The following PPP6R3 variants were observed in gnomAD, a reference collection of about 807,000 sequenced individuals.
The protein encoded by PPP6R3 is protein phosphatase 6 regulatory subunit 3.
In PPP6R3, 38 loss-of-function variants were observed where a neutral mutation model predicts 110.7. That is an observed-to-expected ratio of 0.34 (90% CI 0.26 to 0.45). The LOEUF is 0.45. Ranked by LOEUF, PPP6R3 falls within the 20% of genes least tolerant of loss-of-function variation. PPP6R3 has a pLI of 1.00. For synonymous variants in PPP6R3, 369 were observed against 373.5 expected (o/e 0.99, Z 0.14); for missense variants, 870 against 1,062.4 (o/e 0.82, Z 2.52).
rs192816255 is a variant in PPP6R3 at position 68,607,810 on chromosome 11, G to A, written c.2451-2094G>A. 8.1e-3 allele frequency among the ~76,000 whole-genome samples: 1,229 copies of A among 150,942 alleles called. 16 individuals are homozygous for A. The highest frequency in any genetic ancestry group is 0.028 in the African/African-American group (1,166 of 41,058). On this transcript the variant is annotated intron_variant, in intron 22 of 23. Transcript: ENST00000393800. ...TTTTTTTAACACGAGGTCTCGCTCT[G>A]TTGCCCAGGCTGGAATGCAGTGGCA...
At chr11:68,487,666 T>C (rs2098956867) in intron 1 of PPP6R3, among the ~76,000 whole-genome samples, 1 of 152,172 alleles carries the variant, frequency 6.6e-6, no homozygotes. Context: ...TAGAAGTATA[T>C]TATTTAATCT....
intron 1 of PPP6R3, among the ~76,000 whole-genome samples, chr11:68,466,562 C>T (rs1372156738): frequency 6.6e-6 from 1 of 151,818 alleles, no homozygotes; most frequent in Non-Finnish European, 1.5e-5. Flanking sequence ...CCTCAGCCTC[C>T]CCAGTAGCTG....
At position 68,519,782 on chromosome 11, in the gene PPP6R3, A is replaced by T. The variant is rs670921; in HGVS notation, c.-7+131A>T. Reference sequence around the variant, plus strand: ...GTCTCTCTGAGCTAGGTACAATATGATTCTGTGGTACTGTGGTATTTTTAG... The same window carrying T: ...GTCTCTCTGAGCTAGGTACAATATGTTTCTGTGGTACTGTGGTATTTTTAG... On this transcript the variant is annotated intron_variant, in intron 2 of 23. Coordinates refer to ENST00000393800, the MANE Select transcript of PPP6R3 (RefSeq NM_001164161.2). The T allele has an allele frequency of 4.2e-4, 163 of 391,876 alleles. 1 individual carries two copies. Among genetic ancestry groups the T allele is most frequent in the African/African-American group, 2.9e-3 (142 of 48,606 alleles). 24.3% of individuals were successfully genotyped at this position (391,876 alleles called of 1,614,324 possible).
chr11:68,504,018 G>A (rs546665955), intron 1 of PPP6R3, among the ~76,000 whole-genome samples: 2 of 152,308 alleles, frequency 1.3e-5, no homozygotes, highest in South Asian at 2.1e-4. Flanking sequence ...TACCTCATTG[G>A]AGAGCCACTT....
In PPP6R3 at chr11:68,544,843, C is replaced by T. The variant is rs2099342872; in HGVS notation, c.233C>T (p.Pro78Leu). The part of the protein sequence containing the change: ...DMDEKIRYKY[P>L]NISCELLTSD... ...TAAATATCCTGTTCTTCTAGGTATC[C>T]AAATATATCTTGTGAGTTGCTCACT... The change falls in exon 4 of 24, where the codon CCA becomes CTA. Residue 78 changes from proline to leucine, a missense_variant. By Grantham distance (98) the Pro-to-Leu change is moderately conservative. Coordinates refer to ENST00000393800, the MANE Select transcript of PPP6R3 (RefSeq NM_001164161.2). 6.3e-7 allele frequency: 1 copy of T among 1,583,968 alleles called. No individual in the cohort carries two copies. The highest frequency in any genetic ancestry group is 8.6e-7 in the Non-Finnish European group (1 of 1,156,706).
chr11:68,521,834 A>G (rs1207608318), intron 2 of PPP6R3, among the ~76,000 whole-genome samples: 1 of 152,362 alleles, frequency 6.6e-6, no homozygotes, highest in East Asian at 1.9e-4. Context: ...CTCTCTTACT[A>G]GTGAGAAGAC....
intron 10 of PPP6R3, among the ~76,000 whole-genome samples, chr11:68,568,176 A>G (rs2099486598): frequency 1.3e-5 from 2 of 152,100 alleles, no homozygotes; most frequent in Admixed American, 6.6e-5. Flanking sequence ...AGAGATGAAG[A>G]TTTAAAGAAT....
intron 19 of PPP6R3, among the ~76,000 whole-genome samples, chr11:68,596,706 G>C (rs1315331467): frequency 6.6e-6 from 1 of 152,228 alleles, no homozygotes; most frequent in African/African-American, 2.4e-5. Context: ...GCTTGCTTGT[G>C]CCCTGCTCCT....
intron 14 of PPP6R3, among the ~76,000 whole-genome samples, chr11:68,581,065 C>T (rs1020740312): frequency 6.6e-6 from 1 of 152,124 alleles, no homozygotes; most frequent in Non-Finnish European, 1.5e-5. Context: ...GCCACTGCGC[C>T]CAGCCTAGGT....
chr11:68,583,171 A>G, intron 15 of PPP6R3, 42 bp downstream of exon 15: 1 of 1,414,978 alleles, frequency 7.1e-7, no homozygotes, highest in South Asian at 1.3e-5. Flanking sequence ...TTTATTTTAA[A>G]TGCTTAGTTT....
In PPP6R3 at chr11:68,548,280, G is replaced by A. The variant is rs528860405; in HGVS notation, c.552+76G>A. On this transcript the variant is annotated intron_variant, in intron 5 of 23. Transcript: ENST00000393800. Reference sequence around the variant, plus strand: ...GAGCCCACCAGGCTGCTGTGTGCTGGGAAGGAATGCATGGGATTAGGGTTG... The same window carrying A: ...GAGCCCACCAGGCTGCTGTGTGCTGAGAAGGAATGCATGGGATTAGGGTTG... The A allele has an allele frequency of 3.8e-6, 6 of 1,560,134 alleles. No individual in the cohort carries two copies. In the South Asian group the frequency reaches 7.1e-5, roughly 18 times the overall value.
intron 1 of PPP6R3, among the ~76,000 whole-genome samples, chr11:68,508,960 G>A (rs185368225): frequency 1.3e-5 from 2 of 152,284 alleles, no homozygotes; most frequent in East Asian, 3.9e-4. Context: ...TGGAGAGAGG[G>A]CTTTGGATTC....
chr11:68,525,628 A>G (rs1478884964), intron 2 of PPP6R3, among the ~76,000 whole-genome samples: 1 of 152,194 alleles, frequency 6.6e-6, no homozygotes, highest in Non-Finnish European at 1.5e-5. Context: ...GATTGACGAT[A>G]ATAGCTAAAA....
At chr11:68,535,378 G>C (rs10896339) in intron 2 of PPP6R3, 46,242 of 151,962 alleles carry the variant, frequency 0.3, 7,780 homozygotes, top group African/African-American at 0.44. Flanking sequence ...AGCCCTGCCT[G>C]CGACTGTGGG....
intron 1 of PPP6R3, among the ~76,000 whole-genome samples, chr11:68,493,751 CT>C (rs1455529869): frequency 6.6e-6 from 1 of 151,426 alleles, no homozygotes; most frequent in Non-Finnish European, 1.5e-5. Flanking sequence ...GCCACTGCAC[CT>C]GGCCAAGGTA....
At position 68,613,335 on chromosome 11, in the gene PPP6R3, T is replaced by G; in HGVS notation, c.*218T>G. 7.5e-7 allele frequency: 1 copy of G among 1,335,132 alleles called. No individual in the cohort carries two copies. The highest frequency in any genetic ancestry group is 9.6e-7 in the Non-Finnish European group (1 of 1,044,850). The allele number at this position is 1,335,132 out of a possible 1,614,324, so 82.7% of individuals were successfully genotyped here. On this transcript the variant is annotated 3_prime_UTR_variant, in exon 24 of 24. Transcript: ENST00000393800. ...GACAAATACCAAGAATTTTTGCGTA[T>G]GTTTATATTGTATTGTTCTAAATAA...
intron 8 of PPP6R3, among the ~76,000 whole-genome samples, chr11:68,563,200 C>G (rs1319989732): frequency 6.6e-6 from 1 of 151,836 alleles, no homozygotes; most frequent in African/African-American, 2.4e-5. Flanking sequence ...CAGGAAACAA[C>G]AAAAACAAAG....
chr11:68,566,204 A>C (rs1210668486), intron 9 of PPP6R3, among the ~76,000 whole-genome samples: 3 of 152,058 alleles, frequency 2.0e-5, no homozygotes, highest in Non-Finnish European at 4.4e-5. Context: ...TTCCAAAACC[A>C]CTTGTAGCAA....
At chr11:68,608,899 C>CA (rs201411344) in intron 22 of PPP6R3, among the ~76,000 whole-genome samples, 1,555 of 152,198 alleles carry the variant, frequency 0.01, 10 homozygotes, top group African/African-American at 0.012. Flanking sequence ...AGTAACTTTA[C>CA]AAAGAAGGAA....
Sources: allele counts gnomAD v4.1 joint callset (sites outside exome capture counted in the v4.1 genomes callset), GRCh38; gene constraint gnomAD v4.1.1; transcripts MANE v1.5; gene names NCBI Gene and HGNC (gene_info 2026-07-23, HGNC 2026-07-21).